LINGO2: variants seen among roughly 807,000 people sequenced by gnomAD.
The protein encoded by LINGO2 is leucine rich repeat and Ig domain containing 2.
A neutral mutation model predicts 30.6 loss-of-function variants in LINGO2; 14 were observed. The ratio of observed to expected loss-of-function variants is 0.46; its 90% confidence interval spans 0.30 to 0.72. The LOEUF is 0.72. LINGO2 is among the 30% of genes least tolerant of loss of function. The pLI is 0.07. For synonymous variants in LINGO2, 317 were observed against 288.5 expected, an observed-to-expected ratio of 1.10 and a Z score of -1.00; for missense variants, 729 against 751.7, an observed-to-expected ratio of 0.97 and a Z score of 0.35.
chr9:28,032,041 T>TGAGGGGTG (rs755181390), intron 4 of LINGO2, among the ~76,000 whole-genome samples: 275 of 106,486 alleles, frequency 2.6e-3, no homozygotes, highest in Admixed American at 0.011. Context: ...AAATGAGGGG[T>TGAGGGGTG]GGGGGGGGAA....
the LINGO2 span, among the ~76,000 whole-genome samples, chr9:29,174,849 A>T: frequency 1.3e-5 from 2 of 152,214 alleles, no homozygotes; most frequent in Admixed American, 1.3e-4. Context: ...AATTTGTTGG[A>T]TAACTTTTAG....
intron 3 of LINGO2, among the ~76,000 whole-genome samples, chr9:28,320,451 T>C (rs1304575381): frequency 6.6e-6 from 1 of 152,176 alleles, no homozygotes; most frequent in Non-Finnish European, 1.5e-5. Context: ...TTGGTGACAA[T>C]TTCAGTAGTT....
chr9:28,006,889 G>A (rs531723086), intron 5 of LINGO2, among the ~76,000 whole-genome samples: 64 of 151,768 alleles, frequency 4.2e-4, no homozygotes, highest in African/African-American at 1.5e-3. Flanking sequence ...AGTGTAGAGA[G>A]CAGCTAATCC....
the LINGO2 span, among the ~76,000 whole-genome samples, chr9:29,028,425 G>GC: frequency 1.0e-4 from 7 of 70,268 alleles, no homozygotes; most frequent in East Asian, 5.5e-4. Context: ...TGTGTGGGGG[G>GC]GGGTGAGAGA....
chr9:28,866,245 A>T, the LINGO2 span, among the ~76,000 whole-genome samples: 19,890 of 152,128 alleles, frequency 0.13, 1,803 homozygotes, highest in African/African-American at 0.26. Flanking sequence ...TGCACTATTT[A>T]ACTTCAAAAA....
At chr9:29,104,067 G>T in the LINGO2 span, among the ~76,000 whole-genome samples, 1 of 151,982 alleles carries the variant, frequency 6.6e-6, no homozygotes, top group African/African-American at 2.4e-5. Flanking sequence ...AATAACATTG[G>T]GCACAAAATT....
At chr9:28,784,902 C>A in the LINGO2 span, among the ~76,000 whole-genome samples, 4 of 150,214 alleles carry the variant, frequency 2.7e-5, no homozygotes, top group African/African-American at 7.4e-5. Flanking sequence ...GAGCCGAGAT[C>A]GTGCCACTGC....
the LINGO2 span, among the ~76,000 whole-genome samples, chr9:28,847,353 CA>C: frequency 6.8e-6 from 1 of 147,902 alleles, no homozygotes; most frequent in Admixed American, 6.8e-5. Context: ...TTCTTTGATC[CA>C]TTTTTTTTCA....
chr9:28,956,524 G>T, the LINGO2 span, among the ~76,000 whole-genome samples: 2 of 151,842 alleles, frequency 1.3e-5, no homozygotes, highest in African/African-American at 4.8e-5. Flanking sequence ...TTGTGCACTA[G>T]AAGATGCTAA....
At chr9:28,636,222 G>T (rs553476821) in intron 1 of LINGO2, among the ~76,000 whole-genome samples, 1 of 152,030 alleles carries the variant, frequency 6.6e-6, no homozygotes, top group Admixed American at 6.6e-5. Flanking sequence ...CCAGTCTATC[G>T]TTGATGGACA....
rs1821298295 is a variant in LINGO2, at chr9:28,229,872, G to A, written c.-87+65336C>T. On this transcript the variant is annotated intron_variant, in intron 4 of 5. Coordinates refer to ENST00000379992, the Ensembl canonical transcript of LINGO2. ...TATCCCTAGCCCATTTAGAAAAATT[G>A]AATATGGAGTTTATTGCAAAATAAG... 2.6e-5 allele frequency among the ~76,000 whole-genome samples: 4 copies of A among 151,658 alleles called. No homozygotes were observed. In the South Asian group the frequency reaches 8.3e-4, roughly 31 times the overall value.
chr9:29,011,263 C>T, the LINGO2 span, among the ~76,000 whole-genome samples: 1 of 152,160 alleles, frequency 6.6e-6, no homozygotes, highest in East Asian at 1.9e-4. Flanking sequence ...AGTACACGGA[C>T]ATCTGAATGT....
In LINGO2 at chr9:28,339,559, A is replaced by C. The variant is rs532845727; in HGVS notation, c.-246+33277T>G. Among the ~76,000 whole-genome samples, 387 of 152,236 alleles carry C rather than the reference A, an allele frequency of 2.5e-3. 1 individual carries two copies. The highest frequency in any genetic ancestry group is 8.9e-3 in the African/African-American group (368 of 41,548). On this transcript the variant is annotated intron_variant, in intron 3 of 5. Transcript: ENST00000379992. ...GCTGTGAATATTTTTGAATGAGGAT[A>C]CTTTTTAATGTCAACATATTTTCTG...
At chr9:28,175,251 G>A (rs936264920) in intron 4 of LINGO2, among the ~76,000 whole-genome samples, 1 of 152,038 alleles carries the variant, frequency 6.6e-6, no homozygotes, top group Non-Finnish European at 1.5e-5. Flanking sequence ...AACAACCTCT[G>A]GAGGCACCCA....
the LINGO2 span, among the ~76,000 whole-genome samples, chr9:28,748,799 T>A: frequency 1.3e-5 from 2 of 151,968 alleles, no homozygotes; most frequent in South Asian, 4.1e-4. Flanking sequence ...TTAGCAGAAG[T>A]ATAGACTAAA....
intron 2 of LINGO2, among the ~76,000 whole-genome samples, chr9:28,435,930 CTGAT>C (rs1823903206): frequency 1.3e-5 from 2 of 152,162 alleles, no homozygotes. Context: ...TAAATACTCA[CTGAT>C]TGATTGACAG....
chr9:28,621,411 C>T (rs1331921136), intron 1 of LINGO2, among the ~76,000 whole-genome samples: 2 of 151,736 alleles, frequency 1.3e-5, no homozygotes, highest in Non-Finnish European at 2.9e-5. Context: ...TTTGCAACAG[C>T]TCCACAGAAC....
chr9:28,092,560 G>C (rs571056992), intron 4 of LINGO2, among the ~76,000 whole-genome samples: 1 of 141,462 alleles, frequency 7.1e-6, no homozygotes, highest in South Asian at 2.6e-4. Flanking sequence ...GTGGGGGGGA[G>C]GGGGGAGGGA....
chr9:28,668,342 A>G (rs1003018983), intron 1 of LINGO2, among the ~76,000 whole-genome samples: 1 of 152,082 alleles, frequency 6.6e-6, no homozygotes, highest in Admixed American at 6.6e-5. Flanking sequence ...CATAATTAGA[A>G]CAAGAACCTA....
Sources: gnomAD v4.1 joint callset for allele counts (sites outside exome capture counted in the v4.1 genomes callset) on GRCh38, gnomAD v4.1.1 for gene constraint, MANE v1.5 for transcripts, NCBI Gene and HGNC (gene_info 2026-07-23, HGNC 2026-07-21) for gene names.